Variants in DCAF12 observed in about 807,000 individuals in gnomAD.
The protein encoded by DCAF12 is DDB1 and CUL4 associated factor 12.
Under a neutral mutation model 52.8 loss-of-function variants are expected in DCAF12, and 28 were observed. That is an observed-to-expected ratio of 0.53 (90% CI 0.39 to 0.73). The LOEUF is 0.73. Among genes scored for constraint, DCAF12 ranks in the 30% least tolerant of loss-of-function variants. DCAF12 has a pLI of 0.00. For missense variants in DCAF12, 425 were observed against 552.2 expected (o/e 0.77, Z 2.31); for synonymous variants, 196 against 215.5 (o/e 0.91, Z 0.79).
At chr9:34,094,181 G>A (rs546425046) in intron 6 of DCAF12, among the ~76,000 whole-genome samples, 1 of 152,106 alleles carries the variant, frequency 6.6e-6, no homozygotes, top group Admixed American at 6.6e-5. Flanking sequence ...AAGGCAGGCA[G>A]ATCACCTGAG....
intron 7 of DCAF12, among the ~76,000 whole-genome samples, chr9:34,091,074 C>T (rs572148447): frequency 6.6e-6 from 1 of 152,010 alleles, no homozygotes; most frequent in Admixed American, 6.6e-5. Context: ...GCCTGTAATC[C>T]CAGTACTTTG....
At chr9:34,122,215 C>T (rs893683734) in intron 2 of DCAF12, among the ~76,000 whole-genome samples, 1 of 152,132 alleles carries the variant, frequency 6.6e-6, no homozygotes. Flanking sequence ...CCAGAAAGTA[C>T]ACATATAATC....
chr9:34,125,771 A>G, intron 1 of DCAF12: 1 of 274,088 alleles, frequency 3.6e-6, no homozygotes, highest in South Asian at 3.5e-5. Flanking sequence ...AGGCAGTTGC[A>G]GAATTCGAAA....
intron 4 of DCAF12, among the ~76,000 whole-genome samples, chr9:34,102,743 T>A (rs1423104698): frequency 6.6e-6 from 1 of 151,906 alleles, no homozygotes; most frequent in Non-Finnish European, 1.5e-5. Flanking sequence ...TAAAATGGTA[T>A]CTTTCTAGAG....
rs770571008 is a variant in DCAF12 at position 34,121,667 on chromosome 9, A to C, written c.333+3356T>G. ...CCCTTCAAGAGCCCTCTTTTCGGCC[A>C]GGCGCGGTGGCTCATGCCTGTAATC... On this transcript the variant is annotated intron_variant, in intron 2 of 8. Transcript: ENST00000361264. Among the ~76,000 whole-genome samples, 52 of 152,184 alleles carry C rather than the reference A, an allele frequency of 3.4e-4. No homozygotes were observed. The Middle Eastern group carries it at 0.014, about 40-fold the overall frequency.
chr9:34,114,652 T>C (rs922626541), intron 2 of DCAF12, among the ~76,000 whole-genome samples: 2 of 152,098 alleles, frequency 1.3e-5, no homozygotes, highest in African/African-American at 2.4e-5. Context: ...TGCCAGAAAC[T>C]AGCAGCGCGG....
intron 2 of DCAF12, 101 bp downstream of exon 2, chr9:34,124,922 C>G (rs1829223594): frequency 6.8e-7 from 1 of 1,464,022 alleles, no homozygotes; most frequent in East Asian, 2.3e-5. Context: ...AGGCAAGTCC[C>G]TCCTAAAAGA....
chr9:34,107,236 T>C (rs1179987907), intron 3 of DCAF12, 123 bp downstream of exon 3: 10 of 925,204 alleles, frequency 1.1e-5, no homozygotes, highest in Admixed American at 7.8e-5. Context: ...TTATCAAATA[T>C]ACACTGTGCC....
intron 2 of DCAF12, among the ~76,000 whole-genome samples, chr9:34,115,870 C>T (rs1829080719): frequency 6.6e-6 from 1 of 152,116 alleles, no homozygotes. Flanking sequence ...AGCCATCAAG[C>T]CTTGCCACTA....
intron 4 of DCAF12, 60 bp downstream of exon 4, chr9:34,106,374 T>C: frequency 7.0e-7 from 1 of 1,434,992 alleles, no homozygotes; most frequent in Non-Finnish European, 9.7e-7. Context: ...CTATCCCTTT[T>C]CAATCTCTAG....
intron 7 of DCAF12, among the ~76,000 whole-genome samples, chr9:34,090,177 C>T (rs972769960): frequency 6.6e-6 from 1 of 152,148 alleles, no homozygotes; most frequent in Non-Finnish European, 1.5e-5. Flanking sequence ...GATTCTCCTG[C>T]CTTAGCCTCC....
intron 4 of DCAF12, among the ~76,000 whole-genome samples, chr9:34,102,789 T>A (rs959864228): frequency 1.3e-5 from 2 of 151,900 alleles, no homozygotes; most frequent in African/African-American, 4.8e-5. Context: ...AAATGTTATA[T>A]TCCTGGCTGG....
chr9:34,122,389 G>A (rs1829188578), intron 2 of DCAF12, among the ~76,000 whole-genome samples: 1 of 151,562 alleles, frequency 6.6e-6, no homozygotes, highest in South Asian at 2.1e-4. Context: ...TCAACTAATT[G>A]ATGAAAAGGA....
At chr9:34,099,940 T>A (rs1237156940) in intron 4 of DCAF12, among the ~76,000 whole-genome samples, 3 of 152,164 alleles carry the variant, frequency 2.0e-5, no homozygotes, top group Non-Finnish European at 4.4e-5. Context: ...TTGGCATGCA[T>A]CCACAGCTGA....
intron 2 of DCAF12, among the ~76,000 whole-genome samples, chr9:34,108,805 AT>A (rs1443931992): frequency 1.1e-3 from 124 of 112,552 alleles, no homozygotes; most frequent in Middle Eastern, 4.0e-3. Context: ...AAAAAAATAA[AT>A]AAATAAATAT....
intron 2 of DCAF12, among the ~76,000 whole-genome samples, chr9:34,111,025 G>A (rs1412791413): frequency 5.3e-5 from 7 of 131,846 alleles, no homozygotes; most frequent in African/African-American, 1.1e-4. Context: ...TTGCTCTGTC[G>A]CCCAGGCTGG....
At chr9:34,090,650 A>T (rs1175039859) in intron 7 of DCAF12, among the ~76,000 whole-genome samples, 1 of 152,008 alleles carries the variant, frequency 6.6e-6, no homozygotes, top group Non-Finnish European at 1.5e-5. Context: ...ACATTATTAG[A>T]GCCAAACCTA....
At chr9:34,093,849 CT>C in intron 6 of DCAF12, 1 of 177,106 alleles carries the variant, frequency 5.6e-6, no homozygotes, top group Admixed American at 5.5e-5. Flanking sequence ...GATAAAGAGG[CT>C]GATCTCTGGC....
chr9:34,116,097 C>T (rs1412510613), intron 2 of DCAF12, among the ~76,000 whole-genome samples: 11 of 152,140 alleles, frequency 7.2e-5, no homozygotes, highest in Non-Finnish European at 1.6e-4. Flanking sequence ...GGTGCGGTGG[C>T]TCACGCCTGT....
Sources: allele counts gnomAD v4.1 joint callset (sites outside exome capture counted in the v4.1 genomes callset), GRCh38; gene constraint gnomAD v4.1.1; transcripts MANE v1.5; gene names NCBI Gene and HGNC (gene_info 2026-07-23, HGNC 2026-07-21).